ARFIP1: variants seen among roughly 807,000 people sequenced by gnomAD.
The protein encoded by ARFIP1 is arfaptin-1.
ARFIP1 carries 24 observed loss-of-function variants against 42.5 expected under a neutral mutation model. That is an observed-to-expected ratio of 0.57 (90% CI 0.41 to 0.80). The LOEUF is 0.80. Among genes scored for constraint, ARFIP1 ranks in the 30% least tolerant of loss-of-function variants. The pLI is 0.00. For missense variants in ARFIP1, 354 were observed against 434.0 expected, an observed-to-expected ratio of 0.82 and a Z score of 1.64; for synonymous variants, 141 against 153.7, an observed-to-expected ratio of 0.92 and a Z score of 0.61.
chr4:152,799,519 A>G (rs1363887998), intron 1 of ARFIP1, among the ~76,000 whole-genome samples: 1 of 152,220 alleles, frequency 6.6e-6, no homozygotes, highest in Admixed American at 6.5e-5. Flanking sequence ...TGGATTATTT[A>G]TGTTTAGTCC....
At chr4:152,781,790 C>T (rs943221658) in intron 1 of ARFIP1, among the ~76,000 whole-genome samples, 1 of 152,188 alleles carries the variant, frequency 6.6e-6, no homozygotes, top group African/African-American at 2.4e-5. Flanking sequence ...AATTGATAAA[C>T]TGGTTTTCCT....
At chr4:152,826,448 A>G (rs1180097365) in intron 1 of ARFIP1, among the ~76,000 whole-genome samples, 1 of 152,142 alleles carries the variant, frequency 6.6e-6, no homozygotes. Flanking sequence ...ACAGAGTGGC[A>G]TAATGGACAT....
chr4:152,853,312 G>T (rs1733145938), intron 2 of ARFIP1, among the ~76,000 whole-genome samples: 1 of 151,958 alleles, frequency 6.6e-6, no homozygotes, highest in African/African-American at 2.4e-5. Context: ...TTGCCCTTTT[G>T]CTTCCAGGTT....
chr4:152,806,845 C>CT (rs796638165), intron 1 of ARFIP1, among the ~76,000 whole-genome samples: 113 of 132,994 alleles, frequency 8.5e-4, no homozygotes, highest in Admixed American at 1.7e-3. Context: ...CTTTTTCTTT[C>CT]TTTTTTTTTT....
intron 8 of ARFIP1, among the ~76,000 whole-genome samples, chr4:152,905,560 T>TTTTTTTTTTTC (rs1738274050): frequency 8.2e-6 from 1 of 122,214 alleles, no homozygotes; most frequent in Admixed American, 8.7e-5. Flanking sequence ...TTTTTTTTTT[T>TTTTTTTTTTTC]TTTTTTTTTT....
At chr4:152,908,653 A>G (rs751355457) in intron 8 of ARFIP1, among the ~76,000 whole-genome samples, 1 of 152,286 alleles carries the variant, frequency 6.6e-6, no homozygotes. Flanking sequence ...CAGTTTAATT[A>G]TCAATCTTTT....
At chr4:152,847,063 T>C (rs2149861603) in intron 2 of ARFIP1, among the ~76,000 whole-genome samples, 1 of 149,026 alleles carries the variant, frequency 6.7e-6, no homozygotes, top group East Asian at 2.0e-4. Flanking sequence ...GATTTTGTCC[T>C]AGCAATCCCT....
chr4:152,847,976 A>G lies in ARFIP1; in HGVS notation c.94-15630A>G, dbSNP rs893275538. ...CAAACCTACCAAATTTTGCATTCAG[A>G]TTTAGTGAGCTTAGGACCCCCTGAA... On this transcript the variant is annotated intron_variant, in intron 2 of 8. Transcript: ENST00000353617. Among the ~76,000 whole-genome samples the G allele has an allele frequency of 9.9e-5, 15 of 152,204 alleles. 1 individual carries two copies. Among genetic ancestry groups the G allele is most frequent in the Admixed American group, 3.3e-4 (5 of 15,284 alleles).
At chr4:152,856,620 T>C (rs1332697956) in intron 2 of ARFIP1, among the ~76,000 whole-genome samples, 7 of 152,200 alleles carry the variant, frequency 4.6e-5, no homozygotes, top group Non-Finnish European at 1.0e-4. Flanking sequence ...TCCGCATGTA[T>C]TTTGGTATCC....
chr4:152,909,996 A>G, intron 8 of ARFIP1, 68 bp from the exon 9 acceptor site: 2 of 1,537,532 alleles, frequency 1.3e-6, no homozygotes, highest in East Asian at 2.3e-5. Context: ...AAGGAATGTA[A>G]TAAATCACTC....
chr4:152,839,365 T>A (rs1361292616), intron 2 of ARFIP1, among the ~76,000 whole-genome samples: 1 of 152,204 alleles, frequency 6.6e-6, no homozygotes, highest in East Asian at 1.9e-4. Context: ...GTACCAATTC[T>A]GTGTTGAATT....
chr4:152,827,652 A>C (rs1167446083), intron 1 of ARFIP1, among the ~76,000 whole-genome samples: 1 of 152,092 alleles, frequency 6.6e-6, no homozygotes, highest in African/African-American at 2.4e-5. Flanking sequence ...AGTTGGAATC[A>C]TACAGTATGT....
intron 1 of ARFIP1, among the ~76,000 whole-genome samples, chr4:152,818,291 G>A (rs1024120817): frequency 1.3e-5 from 2 of 152,214 alleles, no homozygotes; most frequent in Admixed American, 6.5e-5. Flanking sequence ...AGCTTGGGAA[G>A]GGGAGAGACA....
chr4:152,870,537 A>C (rs1734790965), intron 3 of ARFIP1, among the ~76,000 whole-genome samples: 1 of 152,230 alleles, frequency 6.6e-6, no homozygotes, highest in African/African-American at 2.4e-5. Flanking sequence ...TATTCTGTTT[A>C]GTTTTGATAG....
chr4:152,798,187 C>T (rs998037826), intron 1 of ARFIP1, among the ~76,000 whole-genome samples: 3 of 152,114 alleles, frequency 2.0e-5, no homozygotes, highest in Non-Finnish European at 2.9e-5. Flanking sequence ...CGCTTGAACC[C>T]GGGAGGCGGA....
chr4:152,902,534 G>C (rs1737931503), intron 8 of ARFIP1, among the ~76,000 whole-genome samples: 1 of 152,128 alleles, frequency 6.6e-6, no homozygotes, highest in African/African-American at 2.4e-5. Context: ...AGACTAAACA[G>C]AGTAGATATA....
chr4:152,783,567 T>G (rs1367722287), intron 1 of ARFIP1, among the ~76,000 whole-genome samples: 2 of 152,326 alleles, frequency 1.3e-5, no homozygotes, highest in African/African-American at 4.8e-5. Flanking sequence ...ATTGCGCTGG[T>G]GGAGCCAGTG....
At chr4:152,856,488 A>G (rs189800258) in intron 2 of ARFIP1, among the ~76,000 whole-genome samples, 198 of 152,356 alleles carry the variant, frequency 1.3e-3, no homozygotes, top group Non-Finnish European at 2.6e-3. Context: ...TAGTATAACA[A>G]CTATTTACAT....
At chr4:152,908,942 A>G (rs1403129977) in intron 8 of ARFIP1, among the ~76,000 whole-genome samples, 7 of 109,496 alleles carry the variant, frequency 6.4e-5, no homozygotes, top group South Asian at 2.9e-4. Flanking sequence ...GTGTGTGTGT[A>G]ATATAGTGAA....
Sources: gnomAD v4.1 joint callset for allele counts (sites outside exome capture counted in the v4.1 genomes callset) on GRCh38, gnomAD v4.1.1 for gene constraint, MANE v1.5 for transcripts, NCBI Gene and HGNC (gene_info 2026-07-23, HGNC 2026-07-21) for gene names.